The following RBKS variants were observed in gnomAD, a reference collection of about 807,000 sequenced individuals.
The protein encoded by RBKS is ribokinase.
In RBKS, 33 loss-of-function variants were observed where a neutral mutation model predicts 33.9. The ratio of observed to expected loss-of-function variants is 0.97; its 90% CI spans 0.74 to 1.30. The LOEUF is 1.30. RBKS is among the 50% of genes most tolerant of loss of function. The pLI is 0.00. For synonymous variants in RBKS, 125 were observed against 143.0 expected (o/e 0.87, Z 0.90); for missense variants, 361 against 392.6 (o/e 0.92, Z 0.68).
At chr2:27,855,619 A>C (rs1414234705) in intron 2 of RBKS, among the ~76,000 whole-genome samples, 1 of 152,262 alleles carries the variant, frequency 6.6e-6, no homozygotes, top group African/African-American at 2.4e-5. Flanking sequence ...CCAGGATTTT[A>C]AATCTGAAAA....
At chr2:27,856,099 AAT>A (rs1288862070) in intron 2 of RBKS, among the ~76,000 whole-genome samples, 20 of 152,208 alleles carry the variant, frequency 1.3e-4, no homozygotes, top group Non-Finnish European at 1.9e-4. Flanking sequence ...CTTTTACAAA[AAT>A]ATATGATTTT....
In RBKS at chr2:27,826,894, C is replaced by A. The variant is rs561428660; in HGVS notation, c.795+673G>T. On this transcript the variant is annotated intron_variant, in intron 7 of 7. Coordinates refer to ENST00000302188, the MANE Select transcript of RBKS (RefSeq NM_022128.3). ...TGTGTGGAGTCCATATGCCTAGTTT[C>A]GAATCTCCAGCTCTGTTACCTACCA... 2.0e-5 allele frequency among the ~76,000 whole-genome samples: 3 copies of A among 152,212 alleles called. No homozygotes were observed. In the South Asian group the frequency reaches 6.2e-4, roughly 32 times the overall value.
intron 5 of RBKS, 90 bp downstream of exon 5, chr2:27,842,977 G>C: frequency 3.3e-6 from 3 of 908,918 alleles, no homozygotes; most frequent in Middle Eastern, 2.9e-4. Context: ...ACGACAGAAA[G>C]AGTATTGCTT....
At chr2:27,830,883 A>T (rs1048196294) in intron 6 of RBKS, among the ~76,000 whole-genome samples, 3 of 152,178 alleles carry the variant, frequency 2.0e-5, no homozygotes, top group Non-Finnish European at 4.4e-5. Context: ...ATAAAAGCCA[A>T]CATGGCTTCT....
rs548304438 is a variant in RBKS, at chr2:27,842,968, C to T, written c.514+99G>A. ...CACAGATGGAAGAAAGAATATTTTA[C>T]GACAGAAAGAGTATTGCTTTGCTTA... is the stretch of plus-strand genomic sequence containing the variant. On this transcript the variant is annotated intron_variant, in intron 5 of 7. Transcript: ENST00000302188. 1.6e-4 allele frequency: 139 copies of T among 848,654 alleles called. No homozygotes were observed. The South Asian group carries it at 2.7e-3, about 16-fold the overall frequency. 52.6% of individuals were successfully genotyped at this position (848,654 alleles called of 1,614,324 possible).
rs765739717 is a variant in RBKS, at chr2:27,858,429, T to C, written c.222+10A>G. ...CCTCTAGAGTCCTCTCCACTATACT[T>C]TGTACTTACCTTACACACCATGGAC... On this transcript the variant is annotated intron_variant, in intron 2 of 7. Transcript: ENST00000302188. 3 of 1,606,400 alleles carry C rather than the reference T, an allele frequency of 1.9e-6. No individual in the cohort carries two copies. In the South Asian group the frequency reaches 3.3e-5, roughly 18 times the overall value.
intron 7 of RBKS, among the ~76,000 whole-genome samples, chr2:27,788,287 A>G (rs1306233579): frequency 6.6e-6 from 1 of 152,244 alleles, no homozygotes; most frequent in Non-Finnish European, 1.5e-5. Flanking sequence ...TTGAAAAGGA[A>G]GAAGTAAAAC....
intron 7 of RBKS, among the ~76,000 whole-genome samples, chr2:27,785,245 A>G (rs1199201689): frequency 2.0e-5 from 3 of 152,358 alleles, no homozygotes; most frequent in Non-Finnish European, 4.4e-5. Context: ...TTTAAAAATT[A>G]TATGTCCAAA....
intron 1 of RBKS, chr2:27,870,851 G>T (rs995948258): frequency 4.3e-6 from 2 of 462,594 alleles, no homozygotes. Flanking sequence ...GTGTGGGCTG[G>T]CAACAAAAGT....
At chr2:27,798,915 G>A (rs1312153010) in intron 7 of RBKS, among the ~76,000 whole-genome samples, 2 of 152,130 alleles carry the variant, frequency 1.3e-5, no homozygotes, top group Non-Finnish European at 2.9e-5. Context: ...AAAGCACTGT[G>A]CTGTCCCGGA....
chr2:27,858,602 C>A, intron 1 of RBKS, 31 bp from the exon 2 acceptor site: 1 of 1,597,946 alleles, frequency 6.3e-7, no homozygotes, highest in South Asian at 1.1e-5. Flanking sequence ...AAGAAAAAAG[C>A]ATATTGGTAA....
rs571080668 is a variant in RBKS, at chr2:27,871,986, T to A, written c.90-13415A>T. On this transcript the variant is annotated intron_variant, in intron 1 of 7. Coordinates refer to ENST00000302188, the MANE Select transcript of RBKS (RefSeq NM_022128.3). The stretch of plus-strand genomic sequence containing the variant: ...AGCCTAGATCCCTTGCATGTGCAGT[T>A]CACGATAGGGTTCACGCTACTATGA... Among the ~76,000 whole-genome samples the A allele has an allele frequency of 2.2e-4, 34 of 152,332 alleles. 1 individual carries two copies. The highest frequency in any genetic ancestry group is 4.6e-4 in the Non-Finnish European group (31 of 68,018).
chr2:27,813,039 TA>T (rs33918494), intron 7 of RBKS, among the ~76,000 whole-genome samples: 12,210 of 142,682 alleles, frequency 0.086, 844 homozygotes, highest in African/African-American at 0.2. Context: ...AAGAAGCCAT[TA>T]AAAAAAAAAA....
At chr2:27,839,702 C>T (rs1186788848) in intron 5 of RBKS, among the ~76,000 whole-genome samples, 3 of 152,068 alleles carry the variant, frequency 2.0e-5, no homozygotes, top group South Asian at 2.1e-4. Context: ...ATGATGATGA[C>T]GATGAAGACT....
chr2:27,833,475 T>C (rs1678463091), intron 5 of RBKS, among the ~76,000 whole-genome samples: 1 of 151,944 alleles, frequency 6.6e-6, no homozygotes, highest in Non-Finnish European at 1.5e-5. Context: ...AAGAGAAGGA[T>C]AGATGGGAAT....
At chr2:27,815,531 G>C (rs2148196156) in intron 7 of RBKS, among the ~76,000 whole-genome samples, 1 of 152,182 alleles carries the variant, frequency 6.6e-6, no homozygotes, top group East Asian at 1.9e-4. Flanking sequence ...CATAATTTCA[G>C]GTCTACCCTA....
intron 1 of RBKS, among the ~76,000 whole-genome samples, chr2:27,884,802 T>A (rs998002978): frequency 6.6e-6 from 1 of 152,216 alleles, no homozygotes; most frequent in Non-Finnish European, 1.5e-5. Flanking sequence ...TATGGAAATA[T>A]AAACATAGGT....
intron 7 of RBKS, among the ~76,000 whole-genome samples, chr2:27,814,090 G>A (rs890549179): frequency 6.6e-6 from 1 of 151,964 alleles, no homozygotes; most frequent in African/African-American, 2.4e-5. Context: ...GCATAATGGT[G>A]TATGCCTGTG....
intron 7 of RBKS, among the ~76,000 whole-genome samples, chr2:27,793,197 G>A (rs1318179881): frequency 6.6e-6 from 1 of 152,166 alleles, no homozygotes; most frequent in Non-Finnish European, 1.5e-5. Context: ...ATGCCAGCTA[G>A]TAAAAACCTT....
Sources: gnomAD v4.1 joint callset for allele counts (sites outside exome capture counted in the v4.1 genomes callset) on GRCh38, gnomAD v4.1.1 for gene constraint, MANE v1.5 for transcripts, NCBI Gene and HGNC (gene_info 2026-07-23, HGNC 2026-07-21) for gene names.